Variants in ANKS1B observed in about 807,000 individuals in gnomAD.
ANKS1B encodes ankyrin repeat and sterile alpha motif domain containing 1B.
Under a neutral mutation model 148.3 loss-of-function variants are expected in ANKS1B, and 36 were observed. The observed-to-expected ratio is 0.24, with a 90% confidence interval of 0.19 to 0.32. The LOEUF (loss-of-function observed/expected upper bound fraction) is 0.32. Ranked by LOEUF, ANKS1B falls within the 10% of genes least tolerant of loss-of-function variation. ANKS1B has a pLI of 1.00. For missense variants in ANKS1B, 1,157 were observed against 1,542.6 expected, an observed-to-expected ratio of 0.75 and a Z score of 4.19; for synonymous variants, 542 against 560.8, an observed-to-expected ratio of 0.97 and a Z score of 0.47.
At chr12:99,141,045 C>T (rs1013348659) in intron 15 of ANKS1B, among the ~76,000 whole-genome samples, 1 of 152,132 alleles carries the variant, frequency 6.6e-6, no homozygotes, top group Admixed American at 6.6e-5. Context: ...CCATTAGCAA[C>T]CAACTCTCCA....
Position 99,066,862 on chromosome 12 carries a change from T to A in ANKS1B, c.2626-13553A>T, listed in dbSNP as rs111459777. Among the ~76,000 whole-genome samples the A allele has an allele frequency of 6.2e-3, 938 of 152,274 alleles. 9 individuals are homozygous for A. Among genetic ancestry groups the A allele is most frequent in the African/African-American group, 0.021 (888 of 41,552 alleles). ...TCAGTTTGGTGGTTGCAGCTGTGTG[T>A]CATGGGTCTCAGCTTGAAGAGGACT... On this transcript the variant is annotated intron_variant, in intron 16 of 26. Coordinates refer to ENST00000683438, the MANE Select transcript of ANKS1B (RefSeq NM_001352186.2).
downstream of ANKS1B, among the ~76,000 whole-genome samples, chr12:98,742,516 G>A (rs187218728): frequency 1.6e-3 from 239 of 152,354 alleles, 1 homozygote; most frequent in Non-Finnish European, 2.7e-3. Context: ...GGAAAGTGAT[G>A]CCACGCTAAG....
Position 98,829,252 on chromosome 12 carries a change from C to T in ANKS1B, c.2988G>A (p.Gln996=). The T allele has an allele frequency of 6.2e-7, 1 of 1,614,024 alleles. No individual in the cohort carries two copies. Among genetic ancestry groups the T allele is most frequent in the Non-Finnish European group, 8.5e-7 (1 of 1,179,890 alleles). Residue 996 remains glutamine, a synonymous_variant, in exon 19 of 27, where the codon CAG becomes CAA. Transcript: ENST00000683438. This position sits in a 1 kb window ranked among gnomAD's most constrained non-coding sequence, Gnocchi z 5.2. ...CATTTCTTCTCCTCCTTGCATCGCC[C>T]TGCATGATAATGTGAGGAACGTCTA... ...GSLDVPHIIM[Q]GDARRRRNEN...
rs34024548 is a variant in ANKS1B at position 99,193,793 on chromosome 12, C to CTTTTTTT, written c.2420-39405_2420-39399dup. Among the ~76,000 whole-genome samples, 39 of 66,844 alleles carry CTTTTTTT rather than the reference C, an allele frequency of 5.8e-4. 2 individuals carry two copies. The highest frequency in any genetic ancestry group is 8.4e-4 in the Non-Finnish European group (32 of 38,152). The allele number at this position is 66,844 out of a possible 152,430, so 43.9% of individuals were successfully genotyped here. A position where few individuals can be genotyped will look rare whatever the true frequency, so the allele number is the denominator to read the frequency against. On this transcript the variant is annotated intron_variant, in intron 14 of 26. Transcript: ENST00000683438. ...ACAGATTTTCCATGTATTTCTAGTT[C>CTTTTTTT]TTTTTTTTTTTTTTTTTTTTTTTTT...
intron 9 of ANKS1B, among the ~76,000 whole-genome samples, chr12:99,545,708 A>G (rs1035197707): frequency 3.3e-5 from 5 of 151,192 alleles, no homozygotes; most frequent in African/African-American, 4.8e-5. Flanking sequence ...AGATCAACAA[A>G]GCACCATTTC....
At chr12:99,413,930 C>CCA (rs1230389879) in intron 11 of ANKS1B, among the ~76,000 whole-genome samples, 1 of 151,924 alleles carries the variant, frequency 6.6e-6, no homozygotes, top group Non-Finnish European at 1.5e-5. Flanking sequence ...CCACCCTCGC[C>CCA]CACACACACA....
intron 17 of ANKS1B, among the ~76,000 whole-genome samples, chr12:98,843,651 T>TG (rs1482595602): frequency 3.4e-4 from 51 of 152,216 alleles, no homozygotes; most frequent in Admixed American, 6.5e-5. Context: ...GCAGTGTGAC[T>TG]ACAGTTTAAT....
chr12:98,872,654 T>C (rs778623945), intron 17 of ANKS1B, among the ~76,000 whole-genome samples: 1 of 152,102 alleles, frequency 6.6e-6, no homozygotes. Flanking sequence ...AGGGTTGACC[T>C]TGTGAGGGTA....
At chr12:99,970,261 C>T (rs977822719) in intron 1 of ANKS1B, among the ~76,000 whole-genome samples, 1 of 151,906 alleles carries the variant, frequency 6.6e-6, no homozygotes, top group African/African-American at 2.4e-5. Flanking sequence ...TGATGGAGGA[C>T]ATCTATGAAA....
chr12:99,069,771 G>C (rs1020846131), intron 16 of ANKS1B, among the ~76,000 whole-genome samples: 2 of 152,280 alleles, frequency 1.3e-5, no homozygotes, highest in East Asian at 1.9e-4. Flanking sequence ...CAAAGCAATA[G>C]ACTTGTGTGA....
intron 14 of ANKS1B, among the ~76,000 whole-genome samples, chr12:99,219,520 C>T (rs1296928976): frequency 6.6e-6 from 1 of 152,152 alleles, no homozygotes; most frequent in African/African-American, 2.4e-5. Context: ...TCAAGCAGAT[C>T]ATTTAGTCAT....
chr12:99,981,051 T>G (rs1213429252), intron 1 of ANKS1B, among the ~76,000 whole-genome samples: 1 of 151,978 alleles, frequency 6.6e-6, no homozygotes, highest in Non-Finnish European at 1.5e-5. Context: ...CTATGGGAAA[T>G]TTACTCCCAG....
intron 11 of ANKS1B, among the ~76,000 whole-genome samples, chr12:99,431,540 G>T (rs928673027): frequency 6.6e-6 from 1 of 152,164 alleles, no homozygotes; most frequent in Non-Finnish European, 1.5e-5. Context: ...GGGTGGTAGC[G>T]AAAGAAGGCT....
intron 12 of ANKS1B, among the ~76,000 whole-genome samples, chr12:99,307,051 T>C (rs2082447851): frequency 6.6e-6 from 1 of 152,114 alleles, no homozygotes; most frequent in South Asian, 2.1e-4. Context: ...CTTCTAACTT[T>C]TGCACTTAAG....
At chr12:99,450,059 T>C (rs774030784) in intron 10 of ANKS1B, among the ~76,000 whole-genome samples, 3 of 152,106 alleles carry the variant, frequency 2.0e-5, no homozygotes, top group Non-Finnish European at 2.9e-5. Context: ...TGTAGTTCCA[T>C]TGTAAATCCA....
intron 17 of ANKS1B, among the ~76,000 whole-genome samples, chr12:99,023,309 T>A: frequency 6.6e-6 from 1 of 152,186 alleles, no homozygotes; most frequent in East Asian, 1.9e-4. Flanking sequence ...AATTACAGTC[T>A]TCACAGTTCT....
At chr12:99,525,108 G>T (rs1567272514) in intron 9 of ANKS1B, among the ~76,000 whole-genome samples, 1 of 151,936 alleles carries the variant, frequency 6.6e-6, no homozygotes, top group African/African-American at 2.4e-5. Context: ...CATTTGTGTT[G>T]TTTTTTTATG....
intron 12 of ANKS1B, among the ~76,000 whole-genome samples, chr12:99,387,248 G>A (rs1462646628): frequency 6.6e-6 from 1 of 152,200 alleles, no homozygotes; most frequent in Non-Finnish European, 1.5e-5. Context: ...CCAAGGTGAT[G>A]GGATTAGGAG....
At chr12:99,594,381 C>T (rs1261424823) in intron 9 of ANKS1B, among the ~76,000 whole-genome samples, 6 of 152,024 alleles carry the variant, frequency 3.9e-5, no homozygotes, top group Non-Finnish European at 7.4e-5. Flanking sequence ...GAAATAAAAT[C>T]AGGGTCCTGG....
Sources: gnomAD v4.1 joint callset for allele counts (sites outside exome capture counted in the v4.1 genomes callset) on GRCh38, gnomAD v4.1.1 for gene constraint, Gnocchi (gnomAD v3.1) non-coding constraint, MANE v1.5 for transcripts, NCBI Gene and HGNC (gene_info 2026-07-23, HGNC 2026-07-21) for gene names.